The following CTNNA1 variants were observed in gnomAD, a reference collection of about 807,000 sequenced individuals.
CTNNA1 encodes the protein catenin alpha-1.
CTNNA1 carries 37 observed loss-of-function variants against 98.4 expected under a neutral mutation model. The ratio of observed to expected loss-of-function variants is 0.38; its 90% confidence interval spans 0.29 to 0.49. The LOEUF is 0.49. Among genes scored for constraint, CTNNA1 ranks in the 20% least tolerant of loss-of-function variants. The pLI, the probability that CTNNA1 is intolerant of heterozygous loss-of-function variation, is 0.95. For synonymous variants in CTNNA1, 404 were observed against 413.2 expected, an observed-to-expected ratio of 0.98 and a Z score of 0.27; for missense variants, 761 against 1,147.2, an observed-to-expected ratio of 0.66 and a Z score of 4.86.
At chr5:138,932,282 T>C (rs1580925921) in intron 16 of CTNNA1, 2 of 1,163,854 alleles carry the variant, frequency 1.7e-6, no homozygotes, top group Non-Finnish European at 2.1e-6. Context: ...GCCAGGGTGG[T>C]TTCCCCGCCG....
intron 10 of CTNNA1, among the ~76,000 whole-genome samples, chr5:138,910,742 C>T (rs1441005318): frequency 1.3e-5 from 2 of 152,098 alleles, no homozygotes; most frequent in Admixed American, 1.3e-4. Flanking sequence ...GAGCAAACCA[C>T]GGAGGATGTC....
chr5:138,833,472 A>G (rs1183973890), intron 7 of CTNNA1, among the ~76,000 whole-genome samples: 2 of 152,228 alleles, frequency 1.3e-5, no homozygotes, highest in Non-Finnish European at 2.9e-5. Flanking sequence ...TATTTTAGAT[A>G]TATTGGGTTA....
intron 10 of CTNNA1, among the ~76,000 whole-genome samples, chr5:138,908,582 T>A (rs1759813378): frequency 6.6e-6 from 1 of 152,110 alleles, no homozygotes; most frequent in Non-Finnish European, 1.5e-5. Context: ...GGAGGATCGC[T>A]TGAGCGCAGG....
At chr5:138,808,476 C>G (rs571381343) in intron 3 of CTNNA1, among the ~76,000 whole-genome samples, 29 of 152,170 alleles carry the variant, frequency 1.9e-4, no homozygotes, top group African/African-American at 6.5e-4. Flanking sequence ...CCAGGAAAAC[C>G]TTTTAACTAT....
rs781342935 is a variant in CTNNA1 at position 138,824,677 on chromosome 5, A to C, written c.736A>C (p.Lys246Gln). The C allele has an allele frequency of 6.2e-7, 1 of 1,614,182 alleles. No homozygotes were observed. Among genetic ancestry groups the C allele is most frequent in the Admixed American group, 1.7e-5 (1 of 60,018 alleles). Residue 246 changes from lysine (K) to glutamine (Q), a missense_variant, in exon 6 of 18, where the codon AAG (lysine) becomes CAG (glutamine). Lys to Gln is a moderately conservative substitution (Grantham distance 53, BLOSUM62 1). Transcript: ENST00000302763. Reference protein sequence around the residue: ...AYKANRDLIYKQLQQAVTGIS... With the variant: ...AYKANRDLIYQQLQQAVTGIS... ...TAAGGCCAACAGGGACCTGATATACAAGCAGCTGCAGCAGGCGGTCACAGG... is the reference window on the plus strand; with the variant it reads ...TAAGGCCAACAGGGACCTGATATACCAGCAGCTGCAGCAGGCGGTCACAGG...
intron 1 of CTNNA1, among the ~76,000 whole-genome samples, chr5:138,760,417 G>A (rs145134875): frequency 0.033 from 4,959 of 149,344 alleles, 232 homozygotes; most frequent in African/African-American, 0.1. Context: ...AGGCTGGAGT[G>A]CAGTGGTGCG....
At chr5:138,822,522 T>TG in intron 5 of CTNNA1, among the ~76,000 whole-genome samples, 1 of 152,080 alleles carries the variant, frequency 6.6e-6, no homozygotes, top group East Asian at 1.9e-4. Context: ...TAAAGGCAAA[T>TG]GCCTTCCCGG....
intron 3 of CTNNA1, among the ~76,000 whole-genome samples, chr5:138,809,508 G>A (rs1331453586): frequency 1.3e-5 from 2 of 152,168 alleles, no homozygotes; most frequent in African/African-American, 4.8e-5. Context: ...TTTTGGTAGT[G>A]TTCTGTGAAG....
At chr5:138,830,097 G>T (rs1180449287) in intron 7 of CTNNA1, among the ~76,000 whole-genome samples, 1 of 152,006 alleles carries the variant, frequency 6.6e-6, no homozygotes, top group Non-Finnish European at 1.5e-5. Context: ...AACCCAGGAG[G>T]CGGAGCTTTC....
intron 10 of CTNNA1, among the ~76,000 whole-genome samples, chr5:138,909,053 G>A (rs186272481): frequency 6.6e-6 from 1 of 151,990 alleles, no homozygotes. Flanking sequence ...TGGTGTGCTG[G>A]TCAGGAAGAA....
At chr5:138,875,323 A>G (rs1751241694) in intron 7 of CTNNA1, 2 of 922,752 alleles carry the variant, frequency 2.2e-6, no homozygotes, top group South Asian at 4.6e-5. Context: ...TTTCCGAGAA[A>G]CGGCACAAGA....
chr5:138,827,752 T>C, intron 7 of CTNNA1, 34 bp downstream of exon 7: 3 of 1,610,998 alleles, frequency 1.9e-6, no homozygotes, highest in Non-Finnish European at 2.5e-6. Context: ...AAGTAAGATA[T>C]TTATGGATGA....
intron 9 of CTNNA1, among the ~76,000 whole-genome samples, chr5:138,893,514 C>A (rs940849516): frequency 6.6e-6 from 1 of 151,984 alleles, no homozygotes; most frequent in African/African-American, 2.4e-5. Flanking sequence ...TGCCCCCTTC[C>A]ATTTGTGTCC....
At position 138,810,194 on chromosome 5, in the gene CTNNA1, A is replaced by C. The variant is rs2149727588; in HGVS notation, c.458A>C (p.Gln153Pro). 1.2e-6 allele frequency: 2 copies of C among 1,613,980 alleles called. No homozygotes were observed. The highest frequency in any genetic ancestry group is 1.7e-6 in the Non-Finnish European group (2 of 1,179,822). Reference protein sequence around the residue: ...DMADVYKLLVQLKVVEDGILK... With the variant: ...DMADVYKLLVPLKVVEDGILK... ...GCAGATGTCTACAAATTACTTGTTC[A>C]GCTGAAAGTTGTAAGTATACAGGCC... is the stretch of plus-strand genomic sequence containing the variant. Residue 153 changes from glutamine (Q) to proline (P), a missense_variant, in exon 4 of 18, where the codon CAG (glutamine) becomes CCG (proline). Physicochemically the swap from Gln to Pro is moderately conservative, Grantham distance 76. This residue lies in a region of CTNNA1 where 328 missense variants were observed against 354.3 expected (regional missense o/e 0.93). Coordinates refer to ENST00000302763, the MANE Select transcript of CTNNA1 (RefSeq NM_001903.5).
At chr5:138,856,394 G>T (rs1763729057) in intron 7 of CTNNA1, among the ~76,000 whole-genome samples, 1 of 152,106 alleles carries the variant, frequency 6.6e-6, no homozygotes, top group Non-Finnish European at 1.5e-5. Flanking sequence ...CTAGGCTGGA[G>T]TGTAGTGGCC....
chr5:138,811,321 C>T (rs1458576107), intron 4 of CTNNA1, among the ~76,000 whole-genome samples: 1 of 139,548 alleles, frequency 7.2e-6, no homozygotes, highest in African/African-American at 2.6e-5. Context: ...AGACGATGGG[C>T]GGCCGGGCAG....
intron 1 of CTNNA1, among the ~76,000 whole-genome samples, chr5:138,774,258 C>T (rs1753847933): frequency 6.6e-6 from 1 of 151,988 alleles, no homozygotes; most frequent in Admixed American, 6.5e-5. Flanking sequence ...CTCCAGGGCT[C>T]AAGTGATTTT....
intron 1 of CTNNA1, among the ~76,000 whole-genome samples, chr5:138,780,868 G>A (rs962303365): frequency 2.0e-5 from 3 of 152,120 alleles, no homozygotes; most frequent in Non-Finnish European, 4.4e-5. Context: ...GTTTATATTA[G>A]TGTTTACCTC....
At chr5:138,868,055 A>G (rs756699753) in intron 7 of CTNNA1, among the ~76,000 whole-genome samples, 1 of 152,060 alleles carries the variant, frequency 6.6e-6, no homozygotes, top group Non-Finnish European at 1.5e-5. Flanking sequence ...CCCCACCATG[A>G]TTTTCTTAAT....
Sources: gnomAD v4.1 joint callset for allele counts (sites outside exome capture counted in the v4.1 genomes callset) on GRCh38, gnomAD v4.1.1 for gene constraint, gnomAD v4.1.1 regional missense constraint, MANE v1.5 for transcripts, NCBI Gene and HGNC (gene_info 2026-07-23, HGNC 2026-07-21) for gene names.